Variants in WDR6 observed in about 807,000 individuals in gnomAD.
WDR6 encodes WD repeat domain 6, also known as tRNA (34-2'-O)-methyltransferase regulator WDR6.
A neutral mutation model predicts 85.6 loss-of-function variants in WDR6; 58 were observed. The observed-to-expected ratio is 0.68, with a 90% CI of 0.55 to 0.84. The LOEUF (loss-of-function observed/expected upper bound fraction) is 0.84. WDR6 is among the 40% of genes least tolerant of loss of function. The probability of loss-of-function intolerance (pLI) is 0.00; values close to 1 mark genes in which losing one functional copy is unlikely to be tolerated. For synonymous variants in WDR6, 569 were observed against 582.2 expected, an observed-to-expected ratio of 0.98 and a Z score of 0.33; for missense variants, 1,310 against 1,476.4, an observed-to-expected ratio of 0.89 and a Z score of 1.85.
Position 49,012,305 on chromosome 3 carries a change from C to A in WDR6, c.771C>A (p.His257Gln). 1 of 1,614,232 alleles carries A rather than the reference C, an allele frequency of 6.2e-7. No homozygotes were observed. The highest frequency in any genetic ancestry group is 8.5e-7 in the Non-Finnish European group (1 of 1,180,044). The change falls in exon 2 of 6, where the codon CAC becomes CAA. Residue 257 changes from histidine (H) to glutamine (Q), a missense_variant. Transcript: ENST00000608424. This position sits in a 1 kb window ranked among gnomAD's most constrained non-coding sequence, Gnocchi z 4.4. ...AGAATATTGGGCACTGCTTTGGGCACAGCGCCCGTGTGTGGCAGGTCAAGC... is the reference window on the plus strand; with the variant it reads ...AGAATATTGGGCACTGCTTTGGGCAAAGCGCCCGTGTGTGGCAGGTCAAGC... ...RVQNIGHCFG[H>Q]SARVWQVKLL...
rs1575279877 is a variant in WDR6 at position 49,014,537 on chromosome 3, T to C, written c.2783+38T>C. 6.8e-6 allele frequency: 11 copies of C among 1,613,602 alleles called. No individual in the cohort carries two copies. Among genetic ancestry groups the C allele is most frequent in the Middle Eastern group, 1.6e-4 (1 of 6,062 alleles). ...GGATGATGGTCCTGCATGGGCTGGG[T>C]TGGGGGGTTCCTGTTGAGCTTCATC... On this transcript the variant is annotated intron_variant, in intron 4 of 5. Coordinates refer to ENST00000608424, the MANE Select transcript of WDR6 (RefSeq NM_018031.6). The surrounding 1 kb of genome is among the most constrained non-coding windows in gnomAD (Gnocchi z 4.9).
rs766703925 is a variant in WDR6, at chr3:49,014,388, T to C, written c.2672T>C (p.Phe891Ser). 19 of 1,614,094 alleles carry C rather than the reference T, an allele frequency of 1.2e-5. No homozygotes were observed. The highest frequency in any genetic ancestry group is 9.9e-5 in the South Asian group (9 of 91,072). ...AACSDGAVRL[F>S]LLQDSGRILQ... The stretch of plus-strand genomic sequence containing the variant: ...GGCCACCCCCCGCCCCCCAGGCTCT[T>C]TCTTTTGCAGGATTCTGGGCGGATT... Residue 891 changes from phenylalanine to serine, a missense_variant, in exon 4 of 6, where the codon TTT (phenylalanine) becomes TCT (serine). Transcript: ENST00000608424. The surrounding 1 kb of genome is among the most constrained non-coding windows in gnomAD (Gnocchi z 4.9).
Position 49,013,415 on chromosome 3 carries a change from GGT to G in WDR6, c.1882_1883del (p.Val628TyrfsTer8), listed in dbSNP as rs754429478. 2 of 1,614,182 alleles carry G rather than the reference GGT, an allele frequency of 1.2e-6. No individual in the cohort carries two copies. The highest frequency in any genetic ancestry group is 1.7e-6 in the Non-Finnish European group (2 of 1,180,024). Reference protein sequence around the residue: ...GLRIVPDGSMVILGFHANEFV... With the variant: ...GLRIVPDGSMXILGFHANEFV... ...TCCGTATAGTGCCCGATGGGAGCAT[GGT>G]TATCCTGGGTTTCCATGCCAATGAG... is the stretch of plus-strand genomic sequence containing the variant. On this transcript the variant is annotated frameshift_variant, in exon 2 of 6. Coordinates refer to ENST00000608424, the MANE Select transcript of WDR6 (RefSeq NM_018031.6). LOFTEE classifies it high-confidence loss of function. The surrounding 1 kb of genome is among the most constrained non-coding windows in gnomAD (Gnocchi z 4.6).
At chr3:49,008,158 GA>G (rs1183489566) in intron 1 of WDR6, 1 of 152,552 alleles carries the variant, frequency 6.6e-6, no homozygotes, top group East Asian at 1.9e-4. Context: ...AGCAGGGGCT[GA>G]GACCCCCTCC....
In WDR6 at chr3:49,015,604, G is replaced by T. The variant is rs1344655321; in HGVS notation, c.*316G>T. The T allele has an allele frequency of 3.7e-6, 6 of 1,613,998 alleles. No homozygotes were observed. Among genetic ancestry groups the T allele is most frequent in the Non-Finnish European group, 5.1e-6 (6 of 1,180,042 alleles). ...TCTGTGGCCTTAAATGTGGCTCAGTGGAGGGAGACCCAGCATAGCCAGGCC... is the reference window on the plus strand; with the variant it reads ...TCTGTGGCCTTAAATGTGGCTCAGTTGAGGGAGACCCAGCATAGCCAGGCC... On this transcript the variant is annotated 3_prime_UTR_variant, in exon 6 of 6. Coordinates refer to ENST00000608424, the MANE Select transcript of WDR6 (RefSeq NM_018031.6).
rs371282038 is a variant in WDR6 at position 49,012,990 on chromosome 3, C to A, written c.1456C>A (p.Leu486Met). ...IFVKERCRYL[L>M]PPSKQRWHTC... is the part of the protein sequence containing the mutation. ...TGTCAAGGAACGTTGTCGGTACCTG[C>A]TGCCCCCAAGCAAGCAGAGATGGCA... is the stretch of plus-strand genomic sequence containing the variant. The change falls in exon 2 of 6, where the codon CTG (leucine) becomes ATG (methionine). Residue 486 changes from leucine (L) to methionine (M), a missense_variant. Coordinates refer to ENST00000608424, the MANE Select transcript of WDR6 (RefSeq NM_018031.6). This position sits in a 1 kb window ranked among gnomAD's most constrained non-coding sequence, Gnocchi z 4.4. 5.0e-6 allele frequency: 8 copies of A among 1,613,778 alleles called. No individual in the cohort carries two copies. The highest frequency in any genetic ancestry group is 5.9e-6 in the Non-Finnish European group (7 of 1,179,948).
chr3:49,011,369 GTGC>G, intron 1 of WDR6: 1 of 1,268,750 alleles, frequency 7.9e-7, no homozygotes, highest in Non-Finnish European at 1.1e-6. Flanking sequence ...GTGAGCCACC[GTGC>G]CTGGCCGAGA....
Position 49,007,408 on chromosome 3 carries a change from T to G in WDR6, c.-24T>G. On this transcript the variant is annotated 5_prime_UTR_variant, in exon 1 of 6. Transcript: ENST00000608424. This position sits in a 1 kb window ranked among gnomAD's most constrained non-coding sequence, Gnocchi z 5.1. ...GTTCAGCTCCCTTCTTAGCCGTGGC[T>G]GCCTCAGCACCTCGAGGATCGACAT... 3 of 1,602,738 alleles carry G rather than the reference T, an allele frequency of 1.9e-6. No individual in the cohort carries two copies. Among genetic ancestry groups the G allele is most frequent in the South Asian group, 1.1e-5 (1 of 89,116 alleles).
chr3:49,007,766 C>G lies in WDR6; in HGVS notation c.100+235C>G, dbSNP rs1259619267. 2 of 1,177,028 alleles carry G rather than the reference C, an allele frequency of 1.7e-6. No homozygotes were observed. The highest frequency in any genetic ancestry group is 2.2e-6 in the Non-Finnish European group (2 of 916,696). 72.9% of individuals were successfully genotyped at this position (1,177,028 alleles called of 1,614,324 possible). On this transcript the variant is annotated intron_variant, in intron 1 of 5. Coordinates refer to ENST00000608424, the MANE Select transcript of WDR6 (RefSeq NM_018031.6). This position sits in a 1 kb window ranked among gnomAD's most constrained non-coding sequence, Gnocchi z 5.1. Reference sequence around the variant, plus strand: ...GCCGCGGCGCTTCATAAACTTCAGCCCGCGTGGAAAGGGCGGGTGGAACCG... The same window carrying G: ...GCCGCGGCGCTTCATAAACTTCAGCGCGCGTGGAAAGGGCGGGTGGAACCG...
At position 49,015,487 on chromosome 3, in the gene WDR6, C is replaced by A. The variant is rs1207484256; in HGVS notation, c.*199C>A. On this transcript the variant is annotated 3_prime_UTR_variant, in exon 6 of 6. Coordinates refer to ENST00000608424, the MANE Select transcript of WDR6 (RefSeq NM_018031.6). ...CCCGACTCCCCATGACAAGACAGAA[C>A]TTTGTAACAAACAGTACCAATTTAT... is the stretch of plus-strand genomic sequence containing the variant. The A allele has an allele frequency of 3.8e-6, 6 of 1,559,040 alleles. No individual in the cohort carries two copies. The highest frequency in any genetic ancestry group is 3.5e-6 in the Non-Finnish European group (4 of 1,140,622).
At chr3:49,009,124 C>CGCCT (rs1051552547) in intron 1 of WDR6, 3 of 152,242 alleles carry the variant, frequency 2.0e-5, no homozygotes, top group African/African-American at 4.8e-5. Flanking sequence ...TCAAGTGATT[C>CGCCT]GCCTGCCTCA....
At position 49,014,107 on chromosome 3, in the gene WDR6, C is replaced by A; in HGVS notation, c.2573C>A (p.Pro858Gln). 6.2e-7 allele frequency: 1 copy of A among 1,613,134 alleles called. No homozygotes were observed. Among genetic ancestry groups the A allele is most frequent in the Non-Finnish European group, 8.5e-7 (1 of 1,179,364 alleles). ...RNRHRMVKVD[P>Q]ETRYMSLAVC... ...CGGCATCGGATGGTTAAGGTAGACC[C>A]AGAGACCAGGTAATATATGCTCCTG... is the stretch of plus-strand genomic sequence containing the variant. The change falls in exon 2 of 6, where the codon CCA becomes CAA. Residue 858 changes from proline to glutamine, a missense_variant. Coordinates refer to ENST00000608424, the MANE Select transcript of WDR6 (RefSeq NM_018031.6). This position sits in a 1 kb window ranked among gnomAD's most constrained non-coding sequence, Gnocchi z 4.9.
rs746997582 is a variant in WDR6, at chr3:49,014,161, G to A, written c.2582+45G>A. 6.2e-7 allele frequency: 1 copy of A among 1,613,992 alleles called. No individual in the cohort carries two copies. Among genetic ancestry groups the A allele is most frequent in the Non-Finnish European group, 8.5e-7 (1 of 1,179,998 alleles). On this transcript the variant is annotated intron_variant, in intron 2 of 5. Transcript: ENST00000608424. The surrounding 1 kb of genome is among the most constrained non-coding windows in gnomAD (Gnocchi z 4.9). The stretch of plus-strand genomic sequence containing the variant: ...AGGGTGTGGTATGGGTCATGCAGAT[G>A]CTCCCAGGCTTGCAGGCTCCACCTG...
At chr3:49,010,969 C>A (rs1308322575) in intron 1 of WDR6, among the ~76,000 whole-genome samples, 1 of 149,884 alleles carries the variant, frequency 6.7e-6, no homozygotes, top group Non-Finnish European at 1.5e-5. Context: ...GTGAGCTGCA[C>A]GGTGCCACTG....
At position 49,013,748 on chromosome 3, in the gene WDR6, C is replaced by CACAATGTGACACA; in HGVS notation, c.2214_2215insACAATGTGACACA (p.Leu739ThrfsTer3). The CACAATGTGACACA allele has an allele frequency of 1.2e-6, 2 of 1,614,090 alleles. No homozygotes were observed. The highest frequency in any genetic ancestry group is 2.2e-5 in the South Asian group (2 of 91,080). ...TGGAGCCTGGCAGTGAGGGGCCCGACTTGACTGACATTGTGATCACATGTA... is the reference window on the plus strand; with the variant it reads ...TGGAGCCTGGCAGTGAGGGGCCCGACACAATGTGACACATTGACTGACATTGTGATCACATGTA... On this transcript the variant is annotated stop_gained and frameshift_variant, in exon 2 of 6. Coordinates refer to ENST00000608424, the MANE Select transcript of WDR6 (RefSeq NM_018031.6). LOFTEE classifies it high-confidence loss of function. This position sits in a 1 kb window ranked among gnomAD's most constrained non-coding sequence, Gnocchi z 4.6.
At position 49,014,805 on chromosome 3, in the gene WDR6, C is replaced by CCCTCTT. The variant is rs764285403; in HGVS notation, c.2903-10_2903-5dup. Reference sequence around the variant, plus strand: ...GTGGCAGGCGGGGCCCTGACAACTACCCTCTTCCTCTTCCTTCAGGGCTTG... The same window carrying CCCTCTT: ...GTGGCAGGCGGGGCCCTGACAACTACCCTCTTCCTCTTCCTCTTCCTTCAGGGCTTG... On this transcript the variant is annotated intron_variant, in intron 5 of 5. Coordinates refer to ENST00000608424, the MANE Select transcript of WDR6 (RefSeq NM_018031.6). This position sits in a 1 kb window ranked among gnomAD's most constrained non-coding sequence, Gnocchi z 4.9. 6.2e-7 allele frequency: 1 copy of CCCTCTT among 1,601,524 alleles called. No homozygotes were observed. Among genetic ancestry groups the CCCTCTT allele is most frequent in the African/African-American group, 1.3e-5 (1 of 74,724 alleles).
rs1211162556 is a variant in WDR6, at chr3:49,015,824, TGTA to T, written c.*541_*543del. ...CTCACCCCCAGGATGTGTACCCGGTTGTAGTAGGAGCTGAAATCCATGCTGAGC... is the reference window on the plus strand; with the variant it reads ...CTCACCCCCAGGATGTGTACCCGGTTGTAGGAGCTGAAATCCATGCTGAGC... On this transcript the variant is annotated 3_prime_UTR_variant, in exon 6 of 6. Transcript: ENST00000608424. 1.2e-6 allele frequency: 2 copies of T among 1,614,156 alleles called. No homozygotes were observed. The highest frequency in any genetic ancestry group is 1.1e-5 in the South Asian group (1 of 91,086).
Position 49,014,487 on chromosome 3 carries a change from C to G in WDR6, c.2771C>G (p.Pro924Arg), listed in dbSNP as rs776097122. Residue 924 changes from proline (P) to arginine (R), a missense_variant, in exon 4 of 6, where the codon CCC becomes CGC. Coordinates refer to ENST00000608424, the MANE Select transcript of WDR6 (RefSeq NM_018031.6). This position sits in a 1 kb window ranked among gnomAD's most constrained non-coding sequence, Gnocchi z 4.9. ...GTCCACTCCTTTACACACGAGGCAC[C>G]CAACCAGAGGCGGTGAGAGGGGCTG... ...LKVHSFTHEA[P>R]NQRRRLLLCS... The G allele has an allele frequency of 6.2e-7, 1 of 1,614,064 alleles. No individual in the cohort carries two copies. The highest frequency in any genetic ancestry group is 8.5e-7 in the Non-Finnish European group (1 of 1,179,998).
chr3:49,014,813 C>G lies in WDR6; in HGVS notation c.2903-12C>G. 6.2e-7 allele frequency: 1 copy of G among 1,601,558 alleles called. No homozygotes were observed. On this transcript the variant is annotated splice_polypyrimidine_tract_variant and intron_variant, in intron 5 of 5. Coordinates refer to ENST00000608424, the MANE Select transcript of WDR6 (RefSeq NM_018031.6). This position sits in a 1 kb window ranked among gnomAD's most constrained non-coding sequence, Gnocchi z 4.9. ...CGGGGCCCTGACAACTACCCTCTTC[C>G]TCTTCCTTCAGGGCTTGGCACCCCC... is the stretch of plus-strand genomic sequence containing the variant.
Sources: allele counts gnomAD v4.1 joint callset (sites outside exome capture counted in the v4.1 genomes callset), GRCh38; gene constraint gnomAD v4.1.1; non-coding constraint Gnocchi (gnomAD v3.1); transcripts MANE v1.5; gene names NCBI Gene and HGNC (gene_info 2026-07-23, HGNC 2026-07-21).